Variants in ATP6V1H observed in about 807,000 individuals in gnomAD.
ATP6V1H encodes V-type proton ATPase subunit H.
Under a neutral mutation model 71.7 loss-of-function variants are expected in ATP6V1H, and 39 were observed. The ratio of observed to expected loss-of-function variants is 0.54; its 90% CI spans 0.42 to 0.71. ATP6V1H has a LOEUF of 0.71. ATP6V1H is among the 30% of genes least tolerant of loss of function. The pLI, the probability that ATP6V1H is intolerant of heterozygous loss-of-function variation, is 0.00. For synonymous variants in ATP6V1H, 192 were observed against 199.3 expected, an observed-to-expected ratio of 0.96 and a Z score of 0.31; for missense variants, 509 against 594.9, an observed-to-expected ratio of 0.86 and a Z score of 1.50.
chr8:53,776,674 GC>G (rs1808903364), intron 9 of ATP6V1H, among the ~76,000 whole-genome samples: 1 of 152,116 alleles, frequency 6.6e-6, no homozygotes. Flanking sequence ...AAATTAATAA[GC>G]CTATGAAGAA....
intron 1 of ATP6V1H, among the ~76,000 whole-genome samples, chr8:53,842,135 T>G (rs1800849541): frequency 6.6e-6 from 1 of 152,234 alleles, no homozygotes; most frequent in African/African-American, 2.4e-5. Context: ...TTATAAACAT[T>G]TACTAAGCAT....
intron 2 of ATP6V1H, among the ~76,000 whole-genome samples, chr8:53,838,279 C>A (rs1811228025): frequency 6.6e-6 from 1 of 152,188 alleles, no homozygotes; most frequent in Non-Finnish European, 1.5e-5. Flanking sequence ...GCACCTGCCA[C>A]CACACACGGC....
chr8:53,778,413 TACA>T (rs906574028), intron 9 of ATP6V1H, among the ~76,000 whole-genome samples: 10 of 152,206 alleles, frequency 6.6e-5, no homozygotes, highest in African/African-American at 2.4e-4. Flanking sequence ...TACTGAATTG[TACA>T]ACATTAGGTC....
rs1585797036 is a variant in ATP6V1H, at chr8:53,795,702, A to G, written c.815T>C (p.Ile272Thr). 1.9e-6 allele frequency: 3 copies of G among 1,613,870 alleles called. No homozygotes were observed. Among genetic ancestry groups the G allele is most frequent in the African/African-American group, 2.7e-5 (2 of 75,038 alleles). ...RYNIIPVLSD[I>T]LQESVKEKVT... Reference sequence around the variant, plus strand: ...TTTCTCTTTGACAGACTCCTGAAGGATATCAGACAGAACTGGAATGATATT... The same window carrying G: ...TTTCTCTTTGACAGACTCCTGAAGGGTATCAGACAGAACTGGAATGATATT... The change falls in exon 9 of 14, where the codon ATC (isoleucine) becomes ACC (threonine). Residue 272 changes from isoleucine (I) to threonine (T), a missense_variant. By Grantham distance (89) the Ile-to-Thr change is moderately conservative. Around this residue, in one of 2 missense-constraint regions of ATP6V1H, gnomAD observed 212 missense variants for 291.6 expected, o/e 0.73. Transcript: ENST00000359530.
chr8:53,727,108 G>A (rs571814208), intron 13 of ATP6V1H, among the ~76,000 whole-genome samples: 17 of 152,290 alleles, frequency 1.1e-4, no homozygotes, highest in Middle Eastern at 3.4e-3. Flanking sequence ...AGTTTTCCAC[G>A]CTTTTAATGG....
chr8:53,812,327 G>A (rs1009144411), intron 6 of ATP6V1H, among the ~76,000 whole-genome samples: 2 of 152,198 alleles, frequency 1.3e-5, no homozygotes, highest in African/African-American at 4.8e-5. Flanking sequence ...TGATAAAAAA[G>A]AGTGCACTAA....
intron 9 of ATP6V1H, among the ~76,000 whole-genome samples, chr8:53,774,310 G>A (rs1808785926): frequency 6.6e-6 from 1 of 152,186 alleles, no homozygotes; most frequent in African/African-American, 2.4e-5. Flanking sequence ...AAGAACCAAA[G>A]TGACCCTGGT....
At chr8:53,776,918 A>C (rs968509423) in intron 9 of ATP6V1H, among the ~76,000 whole-genome samples, 1 of 152,246 alleles carries the variant, frequency 6.6e-6, no homozygotes. Flanking sequence ...TGAAATTTTA[A>C]AATTTACAAA....
intron 9 of ATP6V1H, 22 bp from the exon 10 acceptor site, chr8:53,772,189 T>G: frequency 6.4e-7 from 1 of 1,571,880 alleles, no homozygotes; most frequent in Non-Finnish European, 8.7e-7. Flanking sequence ...AAAGTGATAG[T>G]GAGAAACTAT....
At chr8:53,739,277 G>T (rs1807334279) in intron 13 of ATP6V1H, among the ~76,000 whole-genome samples, 1 of 151,212 alleles carries the variant, frequency 6.6e-6, no homozygotes, top group South Asian at 2.1e-4. Flanking sequence ...CACATAAGAG[G>T]TTTTTTTTTC....
intron 7 of ATP6V1H, among the ~76,000 whole-genome samples, chr8:53,806,149 C>A (rs116851631): frequency 0.023 from 3,483 of 151,984 alleles, 59 homozygotes; most frequent in Non-Finnish European, 0.035. Flanking sequence ...AAAACTAGAA[C>A]AAGAATCAGA....
intron 2 of ATP6V1H, chr8:53,839,564 C>T: frequency 1.0e-6 from 1 of 960,224 alleles, no homozygotes; most frequent in Non-Finnish European, 1.2e-6. Context: ...CTATCTATTC[C>T]AATACCTTGG....
intron 9 of ATP6V1H, among the ~76,000 whole-genome samples, chr8:53,794,617 C>T (rs913143509): frequency 6.6e-5 from 10 of 152,152 alleles, no homozygotes; most frequent in African/African-American, 2.4e-4. Flanking sequence ...CCGCCCACCT[C>T]GGCCTCCCAA....
chr8:53,797,261 G>A (rs761154021), intron 8 of ATP6V1H, among the ~76,000 whole-genome samples: 10 of 152,196 alleles, frequency 6.6e-5, no homozygotes, highest in Non-Finnish European at 1.3e-4. Flanking sequence ...CTTCAAGGAA[G>A]GAAGAACAGA....
chr8:53,742,386 G>A (rs1304674496), intron 13 of ATP6V1H, among the ~76,000 whole-genome samples: 3 of 152,130 alleles, frequency 2.0e-5, no homozygotes, highest in African/African-American at 7.2e-5. Flanking sequence ...CTACTTCACA[G>A]CCTTTTCACC....
intron 9 of ATP6V1H, among the ~76,000 whole-genome samples, chr8:53,780,369 T>C (rs1382910967): frequency 6.6e-6 from 1 of 152,174 alleles, no homozygotes; most frequent in African/African-American, 2.4e-5. Flanking sequence ...CCTTCTCTAT[T>C]CTTCTTTAAA....
intron 9 of ATP6V1H, among the ~76,000 whole-genome samples, chr8:53,789,474 C>A (rs186993226): frequency 6.6e-6 from 1 of 152,108 alleles, no homozygotes; most frequent in African/African-American, 2.4e-5. Flanking sequence ...TAGAGCAAGA[C>A]TCTGTCTCAA....
intron 7 of ATP6V1H, among the ~76,000 whole-genome samples, chr8:53,807,317 A>G (rs1311219202): frequency 6.6e-6 from 1 of 152,110 alleles, no homozygotes; most frequent in Non-Finnish European, 1.5e-5. Flanking sequence ...ACTAAGTCCT[A>G]GGCCAAGTGT....
chr8:53,769,816 G>T, intron 10 of ATP6V1H, 73 bp from the exon 11 acceptor site: 1 of 1,295,872 alleles, frequency 7.7e-7, no homozygotes, highest in Non-Finnish European at 1.1e-6. Context: ...AAAATAAAAT[G>T]TCTTCACTTA....
Sources: allele counts gnomAD v4.1 joint callset (sites outside exome capture counted in the v4.1 genomes callset), GRCh38; gene constraint gnomAD v4.1.1; regional missense constraint gnomAD v4.1.1; transcripts MANE v1.5; gene names NCBI Gene and HGNC (gene_info 2026-07-23, HGNC 2026-07-21).